The following MECOM variants were observed in gnomAD, a reference collection of about 807,000 sequenced individuals.
The protein encoded by MECOM is MDS1 and EVI1 complex locus.
In MECOM, 13 loss-of-function variants were observed where a neutral mutation model predicts 116.3. The observed-to-expected ratio is 0.11, with a 90% CI of 0.07 to 0.18. MECOM has a LOEUF of 0.18. MECOM is among the 10% of genes least tolerant of loss of function. MECOM has a pLI of 1.00. For missense variants in MECOM, 1,299 were observed against 1,509.0 expected (o/e 0.86, Z 2.31); for synonymous variants, 528 against 535.2 (o/e 0.99, Z 0.19).
intron 1 of MECOM, among the ~76,000 whole-genome samples, chr3:169,420,673 A>T (rs940647960): frequency 1.3e-5 from 2 of 152,134 alleles, no homozygotes; most frequent in Non-Finnish European, 2.9e-5. Context: ...ATTTTCAAGG[A>T]ATAGGCTTGA....
At chr3:169,501,758 T>C (rs16853849) in intron 1 of MECOM, among the ~76,000 whole-genome samples, 7,200 of 152,192 alleles carry the variant, frequency 0.047, 397 homozygotes, top group East Asian at 0.31. Context: ...AGAGTTTTTC[T>C]CATCCTCAAG....
At chr3:169,321,695 G>A (rs1475816222) in intron 2 of MECOM, among the ~76,000 whole-genome samples, 1 of 152,158 alleles carries the variant, frequency 6.6e-6, no homozygotes, top group Non-Finnish European at 1.5e-5. Context: ...TGGAGGGAGG[G>A]TGGGACAAGC....
At chr3:169,655,780 G>A (rs1303595545) in intron 1 of MECOM, among the ~76,000 whole-genome samples, 1 of 152,028 alleles carries the variant, frequency 6.6e-6, no homozygotes, top group Non-Finnish European at 1.5e-5. Context: ...CATTAAACAG[G>A]AGGGGAAAAA....
chr3:169,590,921 G>T (rs78476869), intron 1 of MECOM, among the ~76,000 whole-genome samples: 1 of 152,162 alleles, frequency 6.6e-6, no homozygotes, highest in Non-Finnish European at 1.5e-5. Context: ...AATGCAAAAC[G>T]CAAGCAAGGA....
chr3:169,308,553 C>A (rs1718134195), intron 2 of MECOM, among the ~76,000 whole-genome samples: 1 of 152,172 alleles, frequency 6.6e-6, no homozygotes, highest in South Asian at 2.1e-4. Flanking sequence ...TTTGATGTGA[C>A]ATCTTACAAC....
chr3:169,644,324 T>C (rs1378571599), intron 1 of MECOM, among the ~76,000 whole-genome samples: 2 of 152,074 alleles, frequency 1.3e-5, no homozygotes, highest in Non-Finnish European at 1.5e-5. Context: ...TGGTACAATC[T>C]TGGCTCACTG....
intron 2 of MECOM, among the ~76,000 whole-genome samples, chr3:169,311,714 T>C (rs1363715531): frequency 6.6e-6 from 1 of 152,138 alleles, no homozygotes; most frequent in Non-Finnish European, 1.5e-5. Flanking sequence ...TTTTCAAAAA[T>C]TACCTTTCTC....
chr3:169,454,320 A>AT (rs1321809315), intron 1 of MECOM, among the ~76,000 whole-genome samples: 6 of 133,264 alleles, frequency 4.5e-5, no homozygotes, highest in Non-Finnish European at 6.3e-5. Context: ...GGTTTGGAGG[A>AT]TTTTTTTCTT....
chr3:169,532,696 C>G (rs956898960), intron 1 of MECOM, among the ~76,000 whole-genome samples: 2 of 152,156 alleles, frequency 1.3e-5, no homozygotes, highest in African/African-American at 4.8e-5. Flanking sequence ...AATCGAACAC[C>G]AAGTTGCCCT....
chr3:169,115,592 C>A lies in MECOM; in HGVS notation c.2280G>T (p.Lys760Asn). ...DEKPLTPVPS[K>N]PPVTPATSQD... ...GGCTTGTGGCAGGTGTCACTGGAGG[C>A]TTGGAGGGGACTGGAGTCAAGGGCT... The change falls in exon 8 of 17, where the codon AAG becomes AAT. Residue 760 changes from lysine to asparagine, a missense_variant. Around this residue, in one of 6 missense-constraint regions of MECOM, gnomAD observed 340 missense variants for 312.6 expected, o/e 1.09. Coordinates refer to ENST00000651503, the MANE Select transcript of MECOM (RefSeq NM_004991.4). The A allele has an allele frequency of 6.2e-7, 1 of 1,614,060 alleles. No homozygotes were observed. Among genetic ancestry groups the A allele is most frequent in the Non-Finnish European group, 8.5e-7 (1 of 1,179,998 alleles).
intron 2 of MECOM, among the ~76,000 whole-genome samples, chr3:169,214,352 A>C (rs2086808566): frequency 6.6e-6 from 1 of 152,080 alleles, no homozygotes; most frequent in Non-Finnish European, 1.5e-5. Context: ...ATCAGGTTTT[A>C]ATACAAATAG....
At chr3:169,244,929 GATAC>G (rs1755391389) in intron 2 of MECOM, among the ~76,000 whole-genome samples, 1 of 152,038 alleles carries the variant, frequency 6.6e-6, no homozygotes, top group Non-Finnish European at 1.5e-5. Context: ...ACAAACAGTT[GATAC>G]ATACAACAAC....
intron 1 of MECOM, among the ~76,000 whole-genome samples, chr3:169,605,626 A>T (rs1768437134): frequency 6.6e-6 from 1 of 152,178 alleles, no homozygotes; most frequent in Non-Finnish European, 1.5e-5. Context: ...GTGAAGGAAG[A>T]GAAGAGTGAA....
At chr3:169,567,474 A>T (rs1763375175) in intron 1 of MECOM, among the ~76,000 whole-genome samples, 1 of 152,206 alleles carries the variant, frequency 6.6e-6, no homozygotes, top group South Asian at 2.1e-4. Context: ...AGCCACTAAT[A>T]TATTTATATT....
Position 169,663,474 on chromosome 3 carries a change from GTCTCTCTCTCTCTCTCTC to G in MECOM, c.-120_-103del, listed in dbSNP as rs71166260. 2,700 of 568,828 alleles carry G rather than the reference GTCTCTCTCTCTCTCTCTC, an allele frequency of 4.7e-3. 5 individuals carry two copies. Among genetic ancestry groups the G allele is most frequent in the African/African-American group, 0.01 (231 of 22,134 alleles). 35.2% of individuals were successfully genotyped at this position (568,828 alleles called of 1,614,324 possible). The stretch of plus-strand genomic sequence containing the variant: ...CTCTCGCTCCCTCCCTCTCTCTCCT[GTCTCTCTCTCTCTCTCTC>G]TCTCTCTCTCTCTCTCTCTCTCTCT... On this transcript the variant is annotated 5_prime_UTR_variant, in exon 1 of 17. Coordinates refer to ENST00000651503, the MANE Select transcript of MECOM (RefSeq NM_004991.4).
intron 1 of MECOM, among the ~76,000 whole-genome samples, chr3:169,399,309 C>T (rs1410957259): frequency 3.3e-5 from 5 of 152,080 alleles, no homozygotes; most frequent in Non-Finnish European, 5.9e-5. Flanking sequence ...GTACTTTGTA[C>T]CTCACTTAGC....
At chr3:169,462,362 T>C (rs771848779) in intron 1 of MECOM, among the ~76,000 whole-genome samples, 1 of 152,184 alleles carries the variant, frequency 6.6e-6, no homozygotes, top group Non-Finnish European at 1.5e-5. Flanking sequence ...GACAGCCAGA[T>C]GTTTTTACTT....
chr3:169,466,391 T>G (rs1279969617), intron 1 of MECOM, among the ~76,000 whole-genome samples: 2 of 152,184 alleles, frequency 1.3e-5, no homozygotes, highest in African/African-American at 2.4e-5. Context: ...TCTATCTGAG[T>G]GCCAACAGCA....
intron 2 of MECOM, among the ~76,000 whole-genome samples, chr3:169,334,361 C>T (rs1035408909): frequency 3.3e-5 from 5 of 152,034 alleles, no homozygotes; most frequent in Non-Finnish European, 7.4e-5. Context: ...GGTGAAGCAC[C>T]GGACATTATT....
Sources: allele counts gnomAD v4.1 joint callset (sites outside exome capture counted in the v4.1 genomes callset), GRCh38; gene constraint gnomAD v4.1.1; regional missense constraint gnomAD v4.1.1; transcripts MANE v1.5; gene names NCBI Gene and HGNC (gene_info 2026-07-23, HGNC 2026-07-21).